The following MYO9A variants were observed in gnomAD, a reference collection of about 807,000 sequenced individuals.
MYO9A encodes unconventional myosin-IXa.
Under a neutral mutation model 293.3 loss-of-function variants are expected in MYO9A, and 103 were observed. The ratio of observed to expected loss-of-function variants is 0.35; its 90% CI spans 0.30 to 0.41. The LOEUF is 0.41. Ranked by LOEUF, MYO9A falls within the 10% of genes least tolerant of loss-of-function variation. The pLI, the probability that MYO9A is intolerant of heterozygous loss-of-function variation, is 1.00. For synonymous variants in MYO9A, 1,001 were observed against 1,035.7 expected (o/e 0.97, Z 0.64); for missense variants, 2,685 against 3,033.0 (o/e 0.89, Z 2.69).
At chr15:72,071,750 A>G (rs1282037961) in intron 1 of MYO9A, among the ~76,000 whole-genome samples, 2 of 149,960 alleles carry the variant, frequency 1.3e-5, no homozygotes, top group Admixed American at 6.6e-5. Flanking sequence ...GCGAGACTCC[A>G]TCTCAAAAAA....
At chr15:71,836,261 A>G (rs1268054456) in intron 39 of MYO9A, among the ~76,000 whole-genome samples, 1 of 151,904 alleles carries the variant, frequency 6.6e-6, no homozygotes, top group Non-Finnish European at 1.5e-5. Flanking sequence ...GAAATGGCCA[A>G]CATGTATATA....
intron 39 of MYO9A, among the ~76,000 whole-genome samples, chr15:71,840,686 G>A (rs1004265559): frequency 6.6e-6 from 1 of 152,134 alleles, no homozygotes; most frequent in South Asian, 2.1e-4. Context: ...CTGGAGTGCA[G>A]TGGCGCGATC....
In MYO9A at chr15:72,029,901, G is replaced by A. The variant is rs145476763; in HGVS notation, c.936-2108C>T. The stretch of plus-strand genomic sequence containing the variant: ...GAGGCCAGAATCTGACTCTTAAGCT[G>A]TATTTCTCCCAGTTGCCTCCCACCA... On this transcript the variant is annotated intron_variant, in intron 3 of 41. Transcript: ENST00000356056. 4.3e-4 allele frequency among the ~76,000 whole-genome samples: 66 copies of A among 152,232 alleles called. No homozygotes were observed. The East Asian group carries it at 0.011, about 26-fold the overall frequency.
chr15:71,829,600 C>G (rs1398108771), intron 40 of MYO9A, among the ~76,000 whole-genome samples: 1 of 151,836 alleles, frequency 6.6e-6, no homozygotes, highest in East Asian at 1.9e-4. Context: ...CTATGACCAT[C>G]TAGTTGCTGT....
At position 71,928,900 on chromosome 15, in the gene MYO9A, C is replaced by T. The variant is rs576189655; in HGVS notation, c.2562+4770G>A. On this transcript the variant is annotated intron_variant, in intron 18 of 41. Coordinates refer to ENST00000356056, the MANE Select transcript of MYO9A (RefSeq NM_006901.4). ...ACAGAGAAAGAAGATTCCATCTCTA[C>T]GAGAAAAAAAAAAAAAATTTAATAG... 8.3e-3 allele frequency among the ~76,000 whole-genome samples: 576 copies of T among 69,210 alleles called. 5 individuals carry two copies. Among genetic ancestry groups the T allele is most frequent in the African/African-American group, 0.034 (550 of 16,302 alleles). The allele number at this position is 69,210 out of a possible 152,430, so 45.4% of individuals were successfully genotyped here. A position where few individuals can be genotyped will look rare whatever the true frequency, so the allele number is the denominator to read the frequency against.
At chr15:72,086,589 C>T (rs1297058703) in intron 1 of MYO9A, among the ~76,000 whole-genome samples, 3 of 148,042 alleles carry the variant, frequency 2.0e-5, no homozygotes, top group African/African-American at 5.0e-5. Context: ...GCTGGCGAGG[C>T]GAGGGAAAGC....
rs28654176 is a variant in MYO9A at position 71,934,094 on chromosome 15, G to A, written c.2523-385C>T. Among the ~76,000 whole-genome samples, 859 of 152,058 alleles carry A rather than the reference G, an allele frequency of 5.6e-3. 11 individuals are homozygous for A. Among genetic ancestry groups the A allele is most frequent in the African/African-American group, 0.02 (810 of 41,498 alleles). ...TAAGTTTCATAAATTTTAAAAAAAC[G>A]TACTTATCACCAAAACGTAATCTTC... On this transcript the variant is annotated intron_variant, in intron 17 of 41. Coordinates refer to ENST00000356056, the MANE Select transcript of MYO9A (RefSeq NM_006901.4).
chr15:71,832,086 G>A (rs1174787037), intron 39 of MYO9A, among the ~76,000 whole-genome samples: 1 of 152,174 alleles, frequency 6.6e-6, no homozygotes, highest in Non-Finnish European at 1.5e-5. Flanking sequence ...AGACCAGCCT[G>A]GCCAATATGA....
intron 8 of MYO9A, among the ~76,000 whole-genome samples, chr15:72,004,280 G>A (rs557960927): frequency 2.6e-5 from 4 of 152,142 alleles, no homozygotes; most frequent in Admixed American, 6.5e-5. Context: ...ATTCTTGGCC[G>A]GGCACAGTGG....
At chr15:72,095,433 T>C (rs1464851638) in intron 1 of MYO9A, among the ~76,000 whole-genome samples, 2 of 92,392 alleles carry the variant, frequency 2.2e-5, no homozygotes, top group Non-Finnish European at 6.5e-5. Context: ...GAAGAAAAGT[T>C]GGACACTAGC....
chr15:71,903,849 CAAAG>C (rs1596151580), intron 21 of MYO9A, 76 bp downstream of exon 21: 1 of 1,253,198 alleles, frequency 8.0e-7, no homozygotes, highest in African/African-American at 1.5e-5. Context: ...AAGTAAGCCC[CAAAG>C]AAATAATAAG....
chr15:72,057,375 T>C (rs1256084178), intron 1 of MYO9A, among the ~76,000 whole-genome samples: 2 of 152,256 alleles, frequency 1.3e-5, no homozygotes, highest in Non-Finnish European at 2.9e-5. Context: ...AATTATTGTA[T>C]GACACACTAG....
At position 71,825,535 on chromosome 15, in the gene MYO9A, CACTT is replaced by C. The variant is rs533751892; in HGVS notation, c.*1041_*1044del. 31 of 152,246 alleles carry C rather than the reference CACTT, an allele frequency of 2.0e-4. No homozygotes were observed. The highest frequency in any genetic ancestry group is 4.1e-4 in the South Asian group (2 of 4,824). The allele number at this position is 152,246 out of a possible 1,614,324, so 9.4% of individuals were successfully genotyped here. A position where few individuals can be genotyped will look rare whatever the true frequency, so the allele number is the denominator to read the frequency against. The stretch of plus-strand genomic sequence containing the variant: ...TTTATTTTTTGGCAGCTTTCTGTAA[CACTT>C]ACTTACTTATTCATGCAATATTGTA... On this transcript the variant is annotated 3_prime_UTR_variant, in exon 42 of 42. Transcript: ENST00000356056.
chr15:72,068,337 G>A (rs1024191964), intron 1 of MYO9A, among the ~76,000 whole-genome samples: 16 of 152,136 alleles, frequency 1.1e-4, no homozygotes, highest in African/African-American at 3.9e-4. Context: ...TGGACACTGT[G>A]CTGTGTGCTT....
intron 4 of MYO9A, among the ~76,000 whole-genome samples, chr15:72,022,419 G>A (rs2077528750): frequency 6.6e-6 from 1 of 151,888 alleles, no homozygotes; most frequent in African/African-American, 2.4e-5. Flanking sequence ...ACTCTGGGAG[G>A]CTGAGGCAGG....
intron 2 of MYO9A, among the ~76,000 whole-genome samples, chr15:72,035,179 T>C (rs1182776433): frequency 6.6e-6 from 1 of 152,164 alleles, no homozygotes; most frequent in Non-Finnish European, 1.5e-5. Flanking sequence ...TGCAAAATGG[T>C]AGAACAACTC....
chr15:72,080,748 TTC>T (rs1316217846), intron 1 of MYO9A, among the ~76,000 whole-genome samples: 3 of 152,104 alleles, frequency 2.0e-5, no homozygotes, highest in East Asian at 1.9e-4. Context: ...TTTTTCCTGA[TTC>T]TCTCTCTGCT....
intron 41 of MYO9A, among the ~76,000 whole-genome samples, chr15:71,827,400 G>T (rs2054548743): frequency 1.3e-5 from 1 of 77,436 alleles, no homozygotes; most frequent in Admixed American, 1.4e-4. Context: ...CCTCACAGTG[G>T]GGGCACAATG....
At chr15:72,081,185 T>C (rs1009826599) in intron 1 of MYO9A, among the ~76,000 whole-genome samples, 1 of 152,148 alleles carries the variant, frequency 6.6e-6, no homozygotes, top group African/African-American at 2.4e-5. Context: ...TCCCACCAAC[T>C]CTGTATATGT....
Sources: gnomAD v4.1 joint callset for allele counts (sites outside exome capture counted in the v4.1 genomes callset) on GRCh38, gnomAD v4.1.1 for gene constraint, MANE v1.5 for transcripts, NCBI Gene and HGNC (gene_info 2026-07-23, HGNC 2026-07-21) for gene names.